TMEM243: variants seen among roughly 807,000 people sequenced by gnomAD.
The protein encoded by TMEM243 is transmembrane protein 243.
In TMEM243, 20 loss-of-function variants were observed where a neutral mutation model predicts 15.0. The observed-to-expected ratio is 1.33, with a 90% CI of 0.94 to 1.93. The LOEUF is 1.93. Among genes scored for constraint, TMEM243 ranks in the 30% most tolerant of loss-of-function variants. TMEM243 has a pLI of 0.00. For synonymous variants in TMEM243, 72 were observed against 52.7 expected, an observed-to-expected ratio of 1.37 and a Z score of -1.59; for missense variants, 156 against 142.1, an observed-to-expected ratio of 1.10 and a Z score of -0.50.
In TMEM243 at chr7:87,209,689, A is replaced by AGAGAGCGAGACACAGT. The variant is rs1384719799; in HGVS notation, c.78+9721_78+9736dup. Among the ~76,000 whole-genome samples, 120 of 61,398 alleles carry AGAGAGCGAGACACAGT rather than the reference A, an allele frequency of 2.0e-3. 3 individuals carry two copies. Among genetic ancestry groups the AGAGAGCGAGACACAGT allele is most frequent in the East Asian group, 0.015 (36 of 2,394 alleles). 40.3% of individuals were successfully genotyped at this position (61,398 alleles called of 152,430 possible). ...GAGAGAGCGAGAGCGAGACACAGCG[A>AGAGAGCGAGACACAGT]GAGAGCGAGACACAGTGAGAGCGAG... On this transcript the variant is annotated intron_variant, in intron 1 of 3. Transcript: ENST00000257637.
intron 2 of TMEM243, chr7:87,198,759 T>TA (rs1380808243): frequency 1.8e-5 from 9 of 490,718 alleles, no homozygotes; most frequent in Non-Finnish European, 3.2e-5. Flanking sequence ...CTGACATTTT[T>TA]ACAAATTTAC....
intron 1 of TMEM243, among the ~76,000 whole-genome samples, chr7:87,204,702 A>G (rs927657609): frequency 1.3e-5 from 2 of 152,206 alleles, no homozygotes; most frequent in African/African-American, 4.8e-5. Context: ...TTTGCAGGGT[A>G]CAGCCTCCCT....
intron 1 of TMEM243, among the ~76,000 whole-genome samples, chr7:87,209,485 TGAGAGA>T (rs140490349): frequency 6.7e-5 from 8 of 120,128 alleles, no homozygotes; most frequent in Non-Finnish European, 1.1e-4. Flanking sequence ...AGTGAGATAG[TGAGAGA>T]GAGAGAGAGA....
rs777636881 is a variant in TMEM243, at chr7:87,196,668, C to T, written c.325G>A (p.Ala109Thr). Residue 109 changes from alanine to threonine, a missense_variant, in exon 4 of 4, where the codon GCA (alanine) becomes ACA (threonine). Coordinates refer to ENST00000257637, the MANE Select transcript of TMEM243 (RefSeq NM_024315.4). ...CCCACATCATGGAAGTACAGGTTTGCACATATACACAACATGATGATAGAA... is the reference window on the plus strand; with the variant it reads ...CCCACATCATGGAAGTACAGGTTTGTACATATACACAACATGATGATAGAA... ...IFSIIMLCIC[A>T]NLYFHDVGR is the part of the protein sequence containing the mutation. The T allele has an allele frequency of 5.2e-5, 84 of 1,609,956 alleles. No individual in the cohort carries two copies. Among genetic ancestry groups the T allele is most frequent in the Non-Finnish European group, 7.0e-5 (82 of 1,178,152 alleles).
At chr7:87,203,474 G>A (rs1249416164) in intron 1 of TMEM243, among the ~76,000 whole-genome samples, 3 of 151,968 alleles carry the variant, frequency 2.0e-5, no homozygotes, top group African/African-American at 4.8e-5. Flanking sequence ...AATTATCTGG[G>A]TTTGATGACA....
chr7:87,201,334 AC>A (rs1315335423), intron 1 of TMEM243, among the ~76,000 whole-genome samples: 1 of 152,236 alleles, frequency 6.6e-6, no homozygotes, highest in Non-Finnish European at 1.5e-5. Context: ...ACCTGAGAGA[AC>A]TGCAAGAAAT....
At chr7:87,207,070 C>T (rs1316297864) in intron 1 of TMEM243, among the ~76,000 whole-genome samples, 8 of 152,246 alleles carry the variant, frequency 5.3e-5, no homozygotes, top group African/African-American at 1.9e-4. Flanking sequence ...TAACAGATAC[C>T]TCCCAGGCTA....
intron 1 of TMEM243, among the ~76,000 whole-genome samples, chr7:87,214,599 C>T (rs1320543888): frequency 1.3e-5 from 2 of 152,168 alleles, no homozygotes; most frequent in African/African-American, 4.8e-5. Context: ...TCCACCCTCA[C>T]CAACTATAGT....
At chr7:87,210,211 G>A (rs768208594) in intron 1 of TMEM243, among the ~76,000 whole-genome samples, 3 of 152,060 alleles carry the variant, frequency 2.0e-5, no homozygotes, top group African/African-American at 4.8e-5. Flanking sequence ...ACCTGATCAC[G>A]TCCCTCCCTG....
intron 1 of TMEM243, among the ~76,000 whole-genome samples, chr7:87,202,788 G>C (rs7781702): frequency 2.0e-5 from 3 of 152,134 alleles, no homozygotes; most frequent in Non-Finnish European, 4.4e-5. Flanking sequence ...AGCTAGCTTC[G>C]TAACCTCAAA....
At chr7:87,208,654 G>A (rs748279827) in intron 1 of TMEM243, among the ~76,000 whole-genome samples, 3 of 152,266 alleles carry the variant, frequency 2.0e-5, no homozygotes, top group Non-Finnish European at 4.4e-5. Context: ...GGTCTGGGAA[G>A]GTAAGGACCA....
intron 1 of TMEM243, among the ~76,000 whole-genome samples, chr7:87,202,588 G>A (rs948183687): frequency 4.6e-5 from 7 of 152,086 alleles, no homozygotes; most frequent in African/African-American, 1.7e-4. Context: ...TTTACCAATG[G>A]GTAACTAGGT....
chr7:87,207,545 G>A lies in TMEM243; in HGVS notation c.79-8488C>T, dbSNP rs1802319101. 4.3e-4 allele frequency among the ~76,000 whole-genome samples: 2 copies of A among 4,682 alleles called. 1 individual carries two copies. The highest frequency in any genetic ancestry group is 1.5e-3 in the Non-Finnish European group (2 of 1,328). The allele number at this position is 4,682 out of a possible 152,430, so 3.1% of individuals were successfully genotyped here. A position where few individuals can be genotyped will look rare whatever the true frequency, so the allele number is the denominator to read the frequency against. On this transcript the variant is annotated intron_variant, in intron 1 of 3. Coordinates refer to ENST00000257637, the MANE Select transcript of TMEM243 (RefSeq NM_024315.4). ...TGGGAGGCGGAGCTTGCAGTGAGCC[G>A]AGATTGCGCCACTGCACTCCCACCT... is the stretch of plus-strand genomic sequence containing the variant.
chr7:87,218,565 CA>C (rs1803269640), intron 1 of TMEM243: 2 of 151,790 alleles, frequency 1.3e-5, no homozygotes, highest in African/African-American at 4.8e-5. Context: ...AGCACTTTAT[CA>C]GAGGTCAAAG....
intron 1 of TMEM243, among the ~76,000 whole-genome samples, chr7:87,217,755 G>C (rs1384476684): frequency 1.3e-5 from 2 of 152,172 alleles, no homozygotes; most frequent in Non-Finnish European, 2.9e-5. Context: ...ATATATTCTT[G>C]TAGTAAGTAA....
intron 1 of TMEM243, among the ~76,000 whole-genome samples, chr7:87,210,648 T>C (rs1461772579): frequency 1.3e-5 from 2 of 152,224 alleles, no homozygotes; most frequent in Non-Finnish European, 2.9e-5. Flanking sequence ...GTTTCACATC[T>C]AGGCCACACT....
intron 1 of TMEM243, among the ~76,000 whole-genome samples, chr7:87,210,597 A>G (rs553669696): frequency 6.6e-6 from 1 of 152,372 alleles, no homozygotes; most frequent in Non-Finnish European, 1.5e-5. Context: ...CAGGGCAGTC[A>G]TTAAGTCTTA....
At chr7:87,197,233 A>G (rs1315773587) in intron 3 of TMEM243, among the ~76,000 whole-genome samples, 1 of 151,320 alleles carries the variant, frequency 6.6e-6, no homozygotes, top group Non-Finnish European at 1.5e-5. Context: ...TCTTCGGGTC[A>G]TGGGAGTATA....
chr7:87,218,067 T>C (rs1371121896), intron 1 of TMEM243, among the ~76,000 whole-genome samples: 1 of 152,250 alleles, frequency 6.6e-6, no homozygotes, highest in Non-Finnish European at 1.5e-5. Flanking sequence ...AAATTTCTCA[T>C]ACAAAAGCAA....
Sources: allele counts gnomAD v4.1 joint callset (sites outside exome capture counted in the v4.1 genomes callset), GRCh38; gene constraint gnomAD v4.1.1; transcripts MANE v1.5; gene names NCBI Gene and HGNC (gene_info 2026-07-23, HGNC 2026-07-21).